Variants in PDZD2 observed in about 807,000 individuals in gnomAD.
PDZD2 encodes the protein PDZ domain containing 2, also known as PDZ domain-containing protein 2.
A neutral mutation model predicts 220.7 loss-of-function variants in PDZD2; 90 were observed. The ratio of observed to expected loss-of-function variants is 0.41; its 90% confidence interval spans 0.34 to 0.49. The LOEUF (loss-of-function observed/expected upper bound fraction) is 0.49. PDZD2 is among the 20% of genes least tolerant of loss of function. The probability of loss-of-function intolerance (pLI) is 0.28; values close to 1 mark genes in which losing one functional copy is unlikely to be tolerated. For missense variants in PDZD2, 3,174 were observed against 3,608.5 expected (o/e 0.88, Z 3.08); for synonymous variants, 1,375 against 1,450.5 (o/e 0.95, Z 1.18).
intron 23 of PDZD2, chr5:32,100,665 C>G (rs1744167986): frequency 2.7e-6 from 1 of 363,974 alleles, no homozygotes; most frequent in African/African-American, 2.1e-5. Context: ...CATTTTGGTG[C>G]TGCCAAGTCT....
chr5:32,099,341 T>C (rs2111663563), intron 23 of PDZD2: 1 of 152,392 alleles, frequency 6.6e-6, no homozygotes, highest in South Asian at 2.1e-4. Context: ...AGGCAGTGCC[T>C]TCTGGGAGGG....
intron 2 of PDZD2, among the ~76,000 whole-genome samples, chr5:31,925,050 G>C (rs762915053): frequency 8.5e-5 from 13 of 152,222 alleles, no homozygotes; most frequent in African/African-American, 3.1e-4. Flanking sequence ...GGACTGACAA[G>C]CCAGGCTGGA....
At chr5:31,823,327 G>T (rs980863498) in intron 2 of PDZD2, among the ~76,000 whole-genome samples, 7 of 152,088 alleles carry the variant, frequency 4.6e-5, no homozygotes, top group Non-Finnish European at 8.8e-5. Context: ...AATTAGCTTG[G>T]TATGGTGGCG....
chr5:31,685,880 T>C (rs1428867040), intron 1 of PDZD2, among the ~76,000 whole-genome samples: 4 of 152,100 alleles, frequency 2.6e-5, no homozygotes, highest in Non-Finnish European at 5.9e-5. Context: ...TTTTACTATG[T>C]ATTTATGAAA....
In PDZD2 at chr5:32,034,636, G is replaced by A. The variant is rs766508482; in HGVS notation, c.1408-2595G>A. 1.2e-4 allele frequency among the ~76,000 whole-genome samples: 19 copies of A among 152,074 alleles called. 1 individual carries two copies. The highest frequency in any genetic ancestry group is 8.3e-4 in the South Asian group (4 of 4,814). On this transcript the variant is annotated intron_variant, in intron 6 of 24. Coordinates refer to ENST00000438447, the MANE Select transcript of PDZD2 (RefSeq NM_178140.4). Reference sequence around the variant, plus strand: ...TCCGCTTCCCAAAGTGATTACAGACGTGAGCCATCACGCCCAGCTGGAACC... The same window carrying A: ...TCCGCTTCCCAAAGTGATTACAGACATGAGCCATCACGCCCAGCTGGAACC...
chr5:31,850,670 T>C (rs911141596), intron 2 of PDZD2, among the ~76,000 whole-genome samples: 1 of 143,964 alleles, frequency 6.9e-6, no homozygotes, highest in African/African-American at 2.6e-5. Flanking sequence ...GGAGTCTTGC[T>C]CTTTCACCCA....
chr5:31,865,101 C>T (rs542041550), intron 2 of PDZD2, among the ~76,000 whole-genome samples: 332 of 151,548 alleles, frequency 2.2e-3, no homozygotes, highest in Non-Finnish European at 3.8e-3. Flanking sequence ...CCCGCCTCAG[C>T]CTCCCAAAGT....
intron 1 of PDZD2, among the ~76,000 whole-genome samples, chr5:31,654,777 T>C (rs1008887002): frequency 5.9e-5 from 9 of 152,174 alleles, no homozygotes; most frequent in African/African-American, 2.2e-4. Flanking sequence ...TTCCTCCTCA[T>C]AGTCTATTCT....
chr5:32,001,554 C>T (rs1752105832), intron 5 of PDZD2, among the ~76,000 whole-genome samples: 2 of 152,204 alleles, frequency 1.3e-5, no homozygotes, highest in Non-Finnish European at 2.9e-5. Context: ...GTCTCCCTGC[C>T]GCCTCTTCTC....
chr5:32,048,621 G>A lies in PDZD2; in HGVS notation c.1602G>A (p.Glu534=), dbSNP rs1738212956. The A allele has an allele frequency of 1.9e-6, 3 of 1,614,138 alleles. No homozygotes were observed. Among genetic ancestry groups the A allele is most frequent in the Non-Finnish European group, 2.5e-6 (3 of 1,180,000 alleles). The change falls in exon 8 of 25, where the codon GAG becomes GAA. Residue 534 remains glutamate (E), a synonymous_variant. Transcript: ENST00000438447. ...RNGDPRIRML[E]VSRDGRKHSL... ...GGGACCCCCGGATCCGGATGTTGGA[G>A]GTCTCCCGAGATGGCCGGAAACACT...
rs183359432 is a variant in PDZD2 at position 31,940,752 on chromosome 5, G to A, written c.477-42403G>A. ...AGGAAGGTGAATCTGAGGAAGGCAC[G>A]AAGTGGCCCTTGAGAATCCGTTTGG... On this transcript the variant is annotated intron_variant, in intron 2 of 24. Transcript: ENST00000438447. Among the ~76,000 whole-genome samples, 7 of 152,308 alleles carry A rather than the reference G, an allele frequency of 4.6e-5. No homozygotes were observed. In the East Asian group the frequency reaches 1.2e-3, roughly 25 times the overall value.
At chr5:31,983,684 G>C in intron 3 of PDZD2, 28 bp downstream of exon 3, 1 of 1,588,354 alleles carries the variant, frequency 6.3e-7, no homozygotes, top group Non-Finnish European at 8.6e-7. Flanking sequence ...TATGGAACCA[G>C]AATTTTATTT....
chr5:32,000,689 T>C lies in PDZD2; in HGVS notation c.1254+418T>C, dbSNP rs1752036526. Among the ~76,000 whole-genome samples the C allele has an allele frequency of 1.3e-5, 2 of 152,300 alleles. No individual in the cohort carries two copies. Among genetic ancestry groups the C allele is most frequent in the African/African-American group, 4.8e-5 (2 of 41,568 alleles). ...TCACACCCGGCTAATTTTGTATTTT[T>C]TATAGAGATGGGGTTTCTCCATGTT... is the stretch of plus-strand genomic sequence containing the variant. On this transcript the variant is annotated intron_variant, in intron 5 of 24. Transcript: ENST00000438447. This position sits in a 1 kb window ranked among gnomAD's most constrained non-coding sequence, Gnocchi z 4.5.
chr5:31,881,368 G>GTGTGTATA (rs1554088494), intron 2 of PDZD2, among the ~76,000 whole-genome samples: 18 of 83,442 alleles, frequency 2.2e-4, no homozygotes, highest in African/African-American at 8.0e-4. Context: ...GTGTGTGTGT[G>GTGTGTATA]TATATATTTT....
chr5:31,950,774 T>C (rs1183941279), intron 2 of PDZD2, among the ~76,000 whole-genome samples: 3 of 152,218 alleles, frequency 2.0e-5, no homozygotes, highest in African/African-American at 7.2e-5. Context: ...ATCTTTTTCC[T>C]AATCCCCAGT....
At chr5:31,828,022 A>T (rs557651042) in intron 2 of PDZD2, among the ~76,000 whole-genome samples, 1 of 152,334 alleles carries the variant, frequency 6.6e-6, no homozygotes, top group East Asian at 1.9e-4. Context: ...TTTCAGTATG[A>T]TTCAGAACTT....
At chr5:31,940,875 A>ATGTATTG (rs1486213333) in intron 2 of PDZD2, among the ~76,000 whole-genome samples, 2 of 152,146 alleles carry the variant, frequency 1.3e-5, no homozygotes, top group Non-Finnish European at 2.9e-5. Context: ...TCTTGTGTTT[A>ATGTATTG]TGTATTGTGT....
In PDZD2 at chr5:31,668,983, G is replaced by A. The variant is rs1746105635; in HGVS notation, c.-361+29546G>A. Among the ~76,000 whole-genome samples the A allele has an allele frequency of 2.0e-5, 3 of 151,960 alleles. No homozygotes were observed. The South Asian group carries it at 6.2e-4, about 32-fold the overall frequency. On this transcript the variant is annotated intron_variant, in intron 1 of 24. Transcript: ENST00000438447. ...TCCTATCTGTGGGTCACTGGTAAAAGCAAACCTCCATTACTGGGGTTCTCT... is the reference window on the plus strand; with the variant it reads ...TCCTATCTGTGGGTCACTGGTAAAAACAAACCTCCATTACTGGGGTTCTCT...
chr5:31,857,705 G>A (rs1414756680), intron 2 of PDZD2, among the ~76,000 whole-genome samples: 1 of 152,116 alleles, frequency 6.6e-6, no homozygotes, highest in African/African-American at 2.4e-5. Flanking sequence ...TGTAAGACTT[G>A]GTGTGAGTCT....
Sources: allele counts gnomAD v4.1 joint callset (sites outside exome capture counted in the v4.1 genomes callset), GRCh38; gene constraint gnomAD v4.1.1; non-coding constraint Gnocchi (gnomAD v3.1); transcripts MANE v1.5; gene names NCBI Gene and HGNC (gene_info 2026-07-23, HGNC 2026-07-21).